Variants in DLC1 observed in about 807,000 individuals in gnomAD.
The protein encoded by DLC1 is DLC1 Rho GTPase activating protein, also known as rho GTPase-activating protein 7.
DLC1 carries 54 observed loss-of-function variants against 140.3 expected under a neutral mutation model. That is an observed-to-expected ratio of 0.38 (90% confidence interval 0.31 to 0.48). The LOEUF is 0.48. Ranked by LOEUF, DLC1 falls within the 20% of genes least tolerant of loss-of-function variation. The probability of loss-of-function intolerance (pLI) is 0.96; values close to 1 mark genes in which losing one functional copy is unlikely to be tolerated. For synonymous variants in DLC1, 986 were observed against 728.1 expected, an observed-to-expected ratio of 1.35 and a Z score of -5.70; for missense variants, 2,536 against 1,907.0, an observed-to-expected ratio of 1.33 and a Z score of -6.14.
intron 5 of DLC1, among the ~76,000 whole-genome samples, chr8:13,120,342 CAA>C (rs1554577908): frequency 5.1e-5 from 3 of 58,812 alleles, no homozygotes; most frequent in Admixed American, 2.3e-4. Context: ...GACTCCGTCG[CAA>C]AAAAAAAAAA....
At chr8:13,441,526 T>G (rs1175953935) in intron 2 of DLC1, among the ~76,000 whole-genome samples, 1 of 152,114 alleles carries the variant, frequency 6.6e-6, no homozygotes, top group Non-Finnish European at 1.5e-5. Flanking sequence ...GGATACAAAA[T>G]CAATGTGCAA....
At chr8:13,191,389 C>T (rs1416114708) in intron 5 of DLC1, among the ~76,000 whole-genome samples, 1 of 152,156 alleles carries the variant, frequency 6.6e-6, no homozygotes, top group Non-Finnish European at 1.5e-5. Context: ...GGCCTGTAAT[C>T]CTAGCTACTT....
rs373099500 is a variant in DLC1 at position 13,339,738 on chromosome 8, G to A, written c.1315-34436C>T. On this transcript the variant is annotated intron_variant, in intron 4 of 17. Transcript: ENST00000276297. ...CCCTAGCTTTCATAAAATACACAAA[G>A]AGATTGTGATTCTCTCCAAATTAAA... is the stretch of plus-strand genomic sequence containing the variant. 8 of 152,262 alleles carry A rather than the reference G, an allele frequency of 5.3e-5. No individual in the cohort carries two copies. The South Asian group carries it at 1.7e-3, about 32-fold the overall frequency. 9.4% of individuals were successfully genotyped at this position (152,262 alleles called of 1,614,324 possible).
chr8:13,426,230 G>A (rs1838577814), intron 2 of DLC1, among the ~76,000 whole-genome samples: 1 of 151,910 alleles, frequency 6.6e-6, no homozygotes, highest in Admixed American at 6.6e-5. Context: ...TTTTGATATA[G>A]GGAAATTATA....
chr8:13,407,814 C>A (rs542718500), intron 2 of DLC1, among the ~76,000 whole-genome samples: 3 of 152,264 alleles, frequency 2.0e-5, no homozygotes, highest in Admixed American at 2.0e-4. Context: ...AAGAAAGGGA[C>A]CTTTTAGCAA....
At chr8:13,556,251 T>C (rs1381359078) in intron 1 of DLC1, among the ~76,000 whole-genome samples, 1 of 152,136 alleles carries the variant, frequency 6.6e-6, no homozygotes, top group Non-Finnish European at 1.5e-5. Context: ...TTTGCCCTCC[T>C]AAAACACTCC....
rs1052091743 is a variant in DLC1 at position 13,350,685 on chromosome 8, C to T, written c.1314+42868G>A. On this transcript the variant is annotated intron_variant, in intron 4 of 17. Transcript: ENST00000276297. ...GAGCCTAGATGGCACCACTGCACTC[C>T]AGCCTGGGCCATGGAGCAAGACTCG... is the stretch of plus-strand genomic sequence containing the variant. Among the ~76,000 whole-genome samples the T allele has an allele frequency of 3.9e-5, 6 of 152,068 alleles. No individual in the cohort carries two copies. The East Asian group carries it at 7.8e-4, about 20-fold the overall frequency.
intron 5 of DLC1, among the ~76,000 whole-genome samples, chr8:13,242,700 T>C (rs1829593908): frequency 6.6e-6 from 1 of 152,168 alleles, no homozygotes; most frequent in Admixed American, 6.5e-5. Flanking sequence ...GTCTCCTCAA[T>C]AGGTTTACAC....
intron 6 of DLC1, among the ~76,000 whole-genome samples, chr8:13,113,265 C>G (rs1820266370): frequency 6.6e-6 from 1 of 152,120 alleles, no homozygotes; most frequent in Admixed American, 6.6e-5. Flanking sequence ...GCCAAGTACG[C>G]AAATCAAGCT....
chr8:13,413,118 A>G (rs899846286), intron 2 of DLC1, among the ~76,000 whole-genome samples: 1 of 151,996 alleles, frequency 6.6e-6, no homozygotes, highest in African/African-American at 2.4e-5. Context: ...AAAGTGTTCT[A>G]TAGAGAGTTT....
chr8:13,573,203 T>G (rs1297962057), intron 1 of DLC1, among the ~76,000 whole-genome samples: 1 of 152,112 alleles, frequency 6.6e-6, no homozygotes, highest in Non-Finnish European at 1.5e-5. Flanking sequence ...TATTCGTAAG[T>G]GTTTTATTCT....
chr8:13,528,854 G>T (rs1803003288), intron 1 of DLC1, among the ~76,000 whole-genome samples: 1 of 152,174 alleles, frequency 6.6e-6, no homozygotes, highest in Non-Finnish European at 1.5e-5. Context: ...AGAATCCCCT[G>T]GGTGATGGTC....
intron 2 of DLC1, among the ~76,000 whole-genome samples, chr8:13,403,154 G>A (rs566722618): frequency 6.6e-6 from 1 of 152,312 alleles, no homozygotes; most frequent in East Asian, 1.9e-4. Context: ...AGAATACTAT[G>A]CTGTTGTTAT....
chr8:13,164,328 ATCTG>A (rs1190026067), intron 5 of DLC1, among the ~76,000 whole-genome samples: 82 of 147,216 alleles, frequency 5.6e-4, no homozygotes, highest in African/African-American at 1.8e-3. Flanking sequence ...CTATCTATCT[ATCTG>A]TCTGTCTGTC....
intron 4 of DLC1, among the ~76,000 whole-genome samples, chr8:13,385,127 T>G (rs1836459991): frequency 6.6e-6 from 1 of 152,144 alleles, no homozygotes; most frequent in Non-Finnish European, 1.5e-5. Context: ...CGGCCCTGAT[T>G]TATTTGGTTA....
chr8:13,490,982 T>TAC lies in DLC1; in HGVS notation c.1023+8066_1023+8067insGT, dbSNP rs1477734404. Among the ~76,000 whole-genome samples, 48 of 147,018 alleles carry TAC rather than the reference T, an allele frequency of 3.3e-4. 1 individual carries two copies. The Middle Eastern group carries it at 0.014, about 44-fold the overall frequency. On this transcript the variant is annotated intron_variant, in intron 2 of 17. Transcript: ENST00000276297. ...CCCTCATTCAGAATTTATATAAATA[T>TAC]ATATATACACACACACACATATATA...
intron 5 of DLC1, among the ~76,000 whole-genome samples, chr8:13,292,388 A>G (rs910341176): frequency 5.3e-5 from 8 of 152,328 alleles, no homozygotes; most frequent in African/African-American, 1.9e-4. Flanking sequence ...CTCAGAGTCA[A>G]GGTCACAAGT....
rs773483544 is a variant in DLC1 at position 13,152,824 on chromosome 8, G to GA, written c.1349-37168dup. 4.6e-4 allele frequency among the ~76,000 whole-genome samples: 42 copies of GA among 91,346 alleles called. 1 individual carries two copies. Among genetic ancestry groups the GA allele is most frequent in the African/African-American group, 1.5e-3 (36 of 23,660 alleles). The allele number at this position is 91,346 out of a possible 152,430, so 59.9% of individuals were successfully genotyped here. On this transcript the variant is annotated intron_variant, in intron 5 of 17. Transcript: ENST00000276297. ...AGACTGAGACCCTGTCTCTGGGGAA[G>GA]AAAAAAAAAAAAAAAGCAACCAACC...
At chr8:13,235,985 TA>T (rs34878853) in intron 5 of DLC1, among the ~76,000 whole-genome samples, 119,611 of 151,186 alleles carry the variant, frequency 0.79, 47,463 homozygotes, top group East Asian at 0.92. Context: ...AAGTGAAATT[TA>T]AAAAAAAAAC....
Sources: gnomAD v4.1 joint callset for allele counts (sites outside exome capture counted in the v4.1 genomes callset) on GRCh38, gnomAD v4.1.1 for gene constraint, MANE v1.5 for transcripts, NCBI Gene and HGNC (gene_info 2026-07-23, HGNC 2026-07-21) for gene names.